The following IL1RAPL1 variants were observed in gnomAD, a reference collection of about 807,000 sequenced individuals.
IL1RAPL1 encodes the protein interleukin 1 receptor accessory protein like 1, also known as interleukin-1 receptor accessory protein-like 1.
IL1RAPL1 carries 3 observed loss-of-function variants against 48.4 expected under a neutral mutation model. The observed-to-expected ratio is 0.06, with a 90% CI of 0.03 to 0.16. The LOEUF (loss-of-function observed/expected upper bound fraction) is 0.16. Ranked by LOEUF, IL1RAPL1 falls within the 10% of genes least tolerant of loss-of-function variation. The probability of loss-of-function intolerance (pLI) is 1.00; values close to 1 mark genes in which losing one functional copy is unlikely to be tolerated. For synonymous variants in IL1RAPL1, 185 were observed against 187.7 expected (o/e 0.99, Z 0.12); for missense variants, 349 against 530.6 (o/e 0.66, Z 3.36).
At chrX:29,616,140 C>T (rs1924278426) in intron 5 of IL1RAPL1, among the ~76,000 whole-genome samples, 1 of 111,653 alleles carries the variant, frequency 9.0e-6, no homozygotes, top group African/African-American at 3.3e-5. Context: ...GAAAACTCAT[C>T]TTGTGATGCC....
chrX:29,411,560 G>A (rs12012722), intron 5 of IL1RAPL1, among the ~76,000 whole-genome samples: 4,752 of 111,173 alleles, frequency 0.043, 267 homozygotes, highest in African/African-American at 0.15. Flanking sequence ...TAATAACCCT[G>A]CCAGTGTAAT....
At chrX:28,863,427 T>A (rs1305107678) in intron 2 of IL1RAPL1, among the ~76,000 whole-genome samples, 1 of 108,842 alleles carries the variant, frequency 9.2e-6, no homozygotes, top group Non-Finnish European at 1.9e-5. Flanking sequence ...CCTTTTTTTT[T>A]TTTTTTTCTT....
At chrX:29,870,540 C>A (rs1021158304) in intron 6 of IL1RAPL1, among the ~76,000 whole-genome samples, 5 of 111,864 alleles carry the variant, frequency 4.5e-5, no homozygotes, top group African/African-American at 1.6e-4. Context: ...TTCCACTTTT[C>A]CTTGCGTTCT....
chrX:29,210,313 A>G (rs1172291930), intron 2 of IL1RAPL1, among the ~76,000 whole-genome samples: 1 of 111,703 alleles, frequency 9.0e-6, no homozygotes, highest in East Asian at 2.8e-4. Flanking sequence ...ATTTACTGTT[A>G]TATTTTGGGA....
At chrX:28,817,449 G>A (rs893875154) in intron 2 of IL1RAPL1, among the ~76,000 whole-genome samples, 2 of 110,813 alleles carry the variant, frequency 1.8e-5, no homozygotes, top group Non-Finnish European at 3.8e-5. Flanking sequence ...TGCTGAGATA[G>A]CAACAGTTTG....
intron 2 of IL1RAPL1, among the ~76,000 whole-genome samples, chrX:29,268,648 G>C (rs1479925635): frequency 8.9e-6 from 1 of 111,952 alleles, no homozygotes; most frequent in Non-Finnish European, 1.9e-5. Context: ...TAAGATTTGG[G>C]ACAAACATCC....
chrX:28,934,509 G>A (rs1189519712), intron 2 of IL1RAPL1, among the ~76,000 whole-genome samples: 1 of 110,727 alleles, frequency 9.0e-6, no homozygotes, highest in Admixed American at 9.7e-5. Flanking sequence ...ATGAAACAAT[G>A]TACCCATTAA....
intron 3 of IL1RAPL1, among the ~76,000 whole-genome samples, chrX:29,354,877 T>C (rs1933281049): frequency 1.8e-5 from 2 of 112,368 alleles, no homozygotes; most frequent in Admixed American, 9.4e-5. Flanking sequence ...AGGAGTTTAC[T>C]AACATGTATA....
At chrX:28,915,996 A>C (rs1235496404) in intron 2 of IL1RAPL1, among the ~76,000 whole-genome samples, 2 of 110,512 alleles carry the variant, frequency 1.8e-5, no homozygotes, top group African/African-American at 6.6e-5. Context: ...TAAAGAACTA[A>C]GTGAAATCAG....
chrX:29,807,444 G>T (rs992594252), intron 6 of IL1RAPL1, among the ~76,000 whole-genome samples: 1 of 106,730 alleles, frequency 9.4e-6, no homozygotes, highest in African/African-American at 3.4e-5. Flanking sequence ...GTAAAACCCC[G>T]TCTCTCCTAA....
chrX:29,391,669 G>C (rs1933855124), intron 3 of IL1RAPL1, among the ~76,000 whole-genome samples: 2 of 111,681 alleles, frequency 1.8e-5, no homozygotes, highest in Admixed American at 1.9e-4. Flanking sequence ...ATTTTAGACT[G>C]TAAAGTAAAG....
intron 5 of IL1RAPL1, among the ~76,000 whole-genome samples, chrX:29,590,419 C>T (rs1325003847): frequency 1.8e-5 from 2 of 111,639 alleles, no homozygotes; most frequent in Non-Finnish European, 3.8e-5. Flanking sequence ...TTTGGGTAGT[C>T]TCATGCCTTC....
chrX:29,803,423 G>T (rs1930148386), intron 6 of IL1RAPL1, among the ~76,000 whole-genome samples: 1 of 91,148 alleles, frequency 1.1e-5, no homozygotes, highest in Admixed American at 1.2e-4. Flanking sequence ...GTGTATATGT[G>T]TATATATGTA....
intron 5 of IL1RAPL1, among the ~76,000 whole-genome samples, chrX:29,445,068 GCA>G (rs1217201036): frequency 1.8e-5 from 2 of 112,432 alleles, no homozygotes; most frequent in African/African-American, 3.2e-5. Context: ...CTTGAAAATT[GCA>G]CAGTTACTGC....
chrX:29,577,497 T>C (rs973337333), intron 5 of IL1RAPL1, among the ~76,000 whole-genome samples: 3 of 111,698 alleles, frequency 2.7e-5, no homozygotes, highest in Admixed American at 9.6e-5. Flanking sequence ...CCTTTCTCAA[T>C]TAAACTTCCC....
chrX:29,507,913 G>T (rs1657350029), intron 5 of IL1RAPL1, among the ~76,000 whole-genome samples: 1 of 110,998 alleles, frequency 9.0e-6, no homozygotes, highest in Admixed American at 9.5e-5. Flanking sequence ...CTTAGCTTTT[G>T]TGGTAGAAAC....
At chrX:28,857,355 T>C (rs1601933554) in intron 2 of IL1RAPL1, among the ~76,000 whole-genome samples, 1 of 111,895 alleles carries the variant, frequency 8.9e-6, no homozygotes, top group East Asian at 2.8e-4. Flanking sequence ...AACAATAGAT[T>C]TTTGGTGTAT....
rs1373199975 is a variant in IL1RAPL1, at chrX:28,996,908, A to C, written c.82+207483A>C. Among the ~76,000 whole-genome samples the C allele has an allele frequency of 3.6e-5, 4 of 111,832 alleles. No homozygotes were observed. The Middle Eastern group carries it at 0.014, about 388-fold the overall frequency. On this transcript the variant is annotated intron_variant, in intron 2 of 10. Coordinates refer to ENST00000378993, the MANE Select transcript of IL1RAPL1 (RefSeq NM_014271.4). Reference sequence around the variant, plus strand: ...AAATATATATTCAAATCTGTTGCCAATTTTTAAACTGGCTTTTAAAATTAT... The same window carrying C: ...AAATATATATTCAAATCTGTTGCCACTTTTTAAACTGGCTTTTAAAATTAT...
intron 2 of IL1RAPL1, among the ~76,000 whole-genome samples, chrX:29,216,310 C>T (rs1930868196): frequency 9.0e-6 from 1 of 110,865 alleles, no homozygotes; most frequent in Admixed American, 9.7e-5. Context: ...CCACCTCAGC[C>T]TCCTTAGTAG....
Sources: gnomAD v4.1 joint callset for allele counts (sites outside exome capture counted in the v4.1 genomes callset) on GRCh38, gnomAD v4.1.1 for gene constraint, MANE v1.5 for transcripts, NCBI Gene and HGNC (gene_info 2026-07-23, HGNC 2026-07-21) for gene names.